ENOX1: variants seen among roughly 807,000 people sequenced by gnomAD.
The protein encoded by ENOX1 is candidate growth-related and time keeping constitutive hydroquinone (NADH) oxidase.
A neutral mutation model predicts 82.5 loss-of-function variants in ENOX1; 42 were observed. The ratio of observed to expected loss-of-function variants is 0.51; its 90% CI spans 0.40 to 0.66. The LOEUF (loss-of-function observed/expected upper bound fraction) is 0.66, where lower values mean the gene tolerates loss of function less well. Ranked by LOEUF, ENOX1 falls within the 30% of genes least tolerant of loss-of-function variation. ENOX1 has a pLI of 0.00. For synonymous variants in ENOX1, 271 were observed against 282.2 expected (o/e 0.96, Z 0.40); for missense variants, 608 against 811.6 (o/e 0.75, Z 3.05).
At chr13:43,245,565 T>G (rs2043042287) in intron 14 of ENOX1, among the ~76,000 whole-genome samples, 1 of 152,166 alleles carries the variant, frequency 6.6e-6, no homozygotes, top group Admixed American at 6.5e-5. Flanking sequence ...CCCCCAATAG[T>G]GAGCAGGATC....
At chr13:43,592,090 C>T (rs1443048104) in intron 2 of ENOX1, among the ~76,000 whole-genome samples, 1 of 152,198 alleles carries the variant, frequency 6.6e-6, no homozygotes, top group Non-Finnish European at 1.5e-5. Flanking sequence ...CTATATTTTT[C>T]ACCGTGTGTG....
intron 12 of ENOX1, among the ~76,000 whole-genome samples, chr13:43,282,893 C>T (rs1030260011): frequency 1.3e-5 from 2 of 151,622 alleles, no homozygotes; most frequent in South Asian, 2.1e-4. Flanking sequence ...GAGTTTGAGA[C>T]CAGTCTGGCC....
chr13:43,665,961 G>C (rs542542867), intron 2 of ENOX1, among the ~76,000 whole-genome samples: 2 of 149,466 alleles, frequency 1.3e-5, no homozygotes, highest in Non-Finnish European at 3.0e-5. Flanking sequence ...TTCACTTCAG[G>C]CATGCCTTGA....
chr13:43,535,022 C>T (rs951742935), intron 2 of ENOX1, among the ~76,000 whole-genome samples: 1 of 152,090 alleles, frequency 6.6e-6, no homozygotes, highest in African/African-American at 2.4e-5. Context: ...GAGATCTGAG[C>T]CTGGCTCTAA....
chr13:43,552,863 G>A (rs2079265492), intron 2 of ENOX1, among the ~76,000 whole-genome samples: 1 of 152,202 alleles, frequency 6.6e-6, no homozygotes, highest in Non-Finnish European at 1.5e-5. Flanking sequence ...TTCTGTTAAA[G>A]TGAAAATACA....
chr13:43,386,493 T>G (rs1168334713), intron 5 of ENOX1, among the ~76,000 whole-genome samples: 1 of 152,154 alleles, frequency 6.6e-6, no homozygotes, highest in African/African-American at 2.4e-5. Context: ...AATATCATAT[T>G]AAGGTGATTT....
chr13:43,393,257 G>A (rs76835770), intron 5 of ENOX1, among the ~76,000 whole-genome samples: 3,434 of 152,258 alleles, frequency 0.023, 134 homozygotes, highest in African/African-American at 0.077. Context: ...CCTGCTATGG[G>A]TATTTAGGCC....
At chr13:43,307,849 G>A (rs2046955405) in intron 11 of ENOX1, among the ~76,000 whole-genome samples, 1 of 152,226 alleles carries the variant, frequency 6.6e-6, no homozygotes, top group African/African-American at 2.4e-5. Flanking sequence ...GCTATGGCAG[G>A]CTTGTGGCTT....
chr13:43,600,508 G>C (rs779618880), intron 2 of ENOX1, among the ~76,000 whole-genome samples: 2 of 152,178 alleles, frequency 1.3e-5, no homozygotes, highest in Non-Finnish European at 2.9e-5. Context: ...TGCCAGCTTA[G>C]CTACAGTAGA....
chr13:43,530,897 T>C (rs1308015675), intron 2 of ENOX1, among the ~76,000 whole-genome samples: 1 of 152,046 alleles, frequency 6.6e-6, no homozygotes, highest in Non-Finnish European at 1.5e-5. Context: ...AATCTCAATA[T>C]AACCAAAATC....
intron 3 of ENOX1, among the ~76,000 whole-genome samples, chr13:43,419,039 A>G (rs1372162419): frequency 2.6e-5 from 4 of 151,948 alleles, no homozygotes; most frequent in Middle Eastern, 3.2e-3. Flanking sequence ...TTAGCTGGGT[A>G]TGGTGGCGGG....
At chr13:43,550,037 T>A (rs1044861777) in intron 2 of ENOX1, among the ~76,000 whole-genome samples, 1 of 152,148 alleles carries the variant, frequency 6.6e-6, no homozygotes, top group Non-Finnish European at 1.5e-5. Flanking sequence ...CAGAATCTCA[T>A]AAGGAGTGTG....
intron 2 of ENOX1, among the ~76,000 whole-genome samples, chr13:43,641,769 G>A (rs549041213): frequency 1.6e-3 from 237 of 151,890 alleles, no homozygotes; most frequent in Non-Finnish European, 2.4e-3. Flanking sequence ...TCCTGACCTC[G>A]TGATCCAACT....
chr13:43,322,431 T>C lies in ENOX1; in HGVS notation c.1214A>G (p.Asp405Gly). The C allele has an allele frequency of 1.2e-6, 2 of 1,614,164 alleles. No homozygotes were observed. The highest frequency in any genetic ancestry group is 2.2e-5 in the South Asian group (2 of 91,080). ...RREEEMEMSDDENCDSPTKKM... is the reference protein window; with the variant it reads ...RREEEMEMSDGENCDSPTKKM... The stretch of plus-strand genomic sequence containing the variant: ...CTTTGTAGGGCTGTCACAGTTCTCA[T>C]CATCAGACATTTCCATTTCTTCTTC... Residue 405 changes from aspartate (D) to glycine (G), a missense_variant, in exon 11 of 17, where the codon GAT (aspartate) becomes GGT (glycine). Coordinates refer to ENST00000690772, the MANE Select transcript of ENOX1 (RefSeq NM_001347969.2).
intron 2 of ENOX1, among the ~76,000 whole-genome samples, chr13:43,655,889 A>G (rs962773940): frequency 7.2e-5 from 11 of 152,148 alleles, no homozygotes; most frequent in South Asian, 4.1e-4. Context: ...CTAGTTCACC[A>G]TGGTTTTCCA....
intron 2 of ENOX1, among the ~76,000 whole-genome samples, chr13:43,509,190 T>C (rs527606517): frequency 6.6e-6 from 1 of 152,074 alleles, no homozygotes; most frequent in South Asian, 2.1e-4. Flanking sequence ...GTTAAAGAAA[T>C]AAAACTGGTT....
chr13:43,775,907 C>T (rs1003220327), intron 1 of ENOX1, among the ~76,000 whole-genome samples: 1 of 152,150 alleles, frequency 6.6e-6, no homozygotes, highest in African/African-American at 2.4e-5. Flanking sequence ...AGCTTTGCTC[C>T]ATTGACAGAC....
chr13:43,480,659 T>C (rs1207827607), intron 3 of ENOX1, among the ~76,000 whole-genome samples: 3 of 151,950 alleles, frequency 2.0e-5, no homozygotes, highest in Middle Eastern at 3.2e-3. Context: ...AGAGGAGACA[T>C]TACAACTGAT....
Position 43,613,880 on chromosome 13 carries a change from G to A in ENOX1, c.-219+53599C>T, listed in dbSNP as rs766107083. On this transcript the variant is annotated intron_variant, in intron 2 of 16. Transcript: ENST00000690772. ...CCGGAGGCGGAGGTTGCAGTGAGCC[G>A]CCGAGATCATGCCACTGCATTCCAG... 3.3e-5 allele frequency among the ~76,000 whole-genome samples: 5 copies of A among 152,054 alleles called. No homozygotes were observed. In the South Asian group the frequency reaches 8.3e-4, roughly 25 times the overall value.
Sources: gnomAD v4.1 joint callset for allele counts (sites outside exome capture counted in the v4.1 genomes callset) on GRCh38, gnomAD v4.1.1 for gene constraint, MANE v1.5 for transcripts, NCBI Gene and HGNC (gene_info 2026-07-23, HGNC 2026-07-21) for gene names.